Variants in SLC30A6 observed in about 807,000 individuals in gnomAD.
SLC30A6 encodes solute carrier family 30 member 6, also known as zinc transporter 6.
In SLC30A6, 55 loss-of-function variants were observed where a neutral mutation model predicts 63.0. The observed-to-expected ratio is 0.87, with a 90% confidence interval of 0.70 to 1.09. The LOEUF (loss-of-function observed/expected upper bound fraction) is 1.09, where lower values mean the gene tolerates loss of function less well. SLC30A6 is among the 50% of genes least tolerant of loss of function. SLC30A6 has a pLI of 0.00. For missense variants in SLC30A6, 587 were observed against 549.2 expected, an observed-to-expected ratio of 1.07 and a Z score of -0.69; for synonymous variants, 224 against 186.1, an observed-to-expected ratio of 1.20 and a Z score of -1.66.
At chr2:32,177,388 T>A (rs982053573) in intron 4 of SLC30A6, 2 of 181,526 alleles carry the variant, frequency 1.1e-5, no homozygotes, top group African/African-American at 4.8e-5. Flanking sequence ...TGATCTTGGC[T>A]CAAGTGATTC....
At chr2:32,214,950 A>G (rs1308298114) in intron 13 of SLC30A6, among the ~76,000 whole-genome samples, 3 of 152,230 alleles carry the variant, frequency 2.0e-5, no homozygotes, top group Admixed American at 2.0e-4. Flanking sequence ...TGTCTTAGCT[A>G]AAAGTAATAA....
At chr2:32,209,366 C>A in intron 12 of SLC30A6, 127 bp from the exon 13 acceptor site, 1 of 659,026 alleles carries the variant, frequency 1.5e-6, no homozygotes, top group Non-Finnish European at 2.6e-6. Context: ...CTTCTCTTAG[C>A]TAATGAGTGT....
Position 32,224,234 on chromosome 2 carries a change from T to G in SLC30A6, c.*3521T>G. 1 of 429,510 alleles carries G rather than the reference T, an allele frequency of 2.3e-6. No homozygotes were observed. 26.6% of individuals were successfully genotyped at this position (429,510 alleles called of 1,614,324 possible). The stretch of plus-strand genomic sequence containing the variant: ...CTATACTAAGTTAATATGCATTCAG[T>G]ATACCAGTTGGTGTGACCCAGACCA... On this transcript the variant is annotated 3_prime_UTR_variant, in exon 14 of 14. Coordinates refer to ENST00000282587, the MANE Select transcript of SLC30A6 (RefSeq NM_017964.5).
chr2:32,212,377 T>C (rs1015117425), intron 13 of SLC30A6, among the ~76,000 whole-genome samples: 1 of 151,998 alleles, frequency 6.6e-6, no homozygotes, highest in African/African-American at 2.4e-5. Flanking sequence ...TATAGTCTCT[T>C]TTTCTTACAT....
rs1686075376 is a variant in SLC30A6 at position 32,220,505 on chromosome 2, G to GGAAAAATGTGAACCCAGTTATTCTTCTAA, written c.1179_1207dup (p.Asn403ArgfsTer4). On this transcript the variant is annotated frameshift_variant, in exon 14 of 14. Coordinates refer to ENST00000282587, the MANE Select transcript of SLC30A6 (RefSeq NM_017964.5). LOFTEE classifies it high-confidence loss of function. ...CCAGAATTTTCATTTAACACTCCTGGGAAAAATGTGAACCCAGTTATTCTT... is the reference window on the plus strand; with the variant it reads ...CCAGAATTTTCATTTAACACTCCTGGGAAAAATGTGAACCCAGTTATTCTTCTAAGAAAAATGTGAACCCAGTTATTCTT... 1 of 1,614,102 alleles carries GGAAAAATGTGAACCCAGTTATTCTTCTAA rather than the reference G, an allele frequency of 6.2e-7. No individual in the cohort carries two copies. Among genetic ancestry groups the GGAAAAATGTGAACCCAGTTATTCTTCTAA allele is most frequent in the East Asian group, 2.2e-5 (1 of 44,884 alleles).
At chr2:32,198,150 C>T (rs542866014) in intron 10 of SLC30A6, among the ~76,000 whole-genome samples, 2 of 152,200 alleles carry the variant, frequency 1.3e-5, no homozygotes, top group South Asian at 2.1e-4. Flanking sequence ...GAGAAGAGGA[C>T]GTAGGCGTGA....
At chr2:32,178,253 T>A (rs212738) in intron 4 of SLC30A6, among the ~76,000 whole-genome samples, 78,600 of 151,314 alleles carry the variant, frequency 0.52, 20,682 homozygotes, top group African/African-American at 0.58. Context: ...GGCCAAGTTA[T>A]TTTTTTTTAA....
intron 13 of SLC30A6, among the ~76,000 whole-genome samples, chr2:32,216,428 T>C (rs1233638169): frequency 6.6e-6 from 1 of 151,840 alleles, no homozygotes; most frequent in African/African-American, 2.4e-5. Flanking sequence ...CCCAGCTACT[T>C]GGGAGGCTGA....
chr2:32,178,811 C>G (rs1682025935), intron 4 of SLC30A6, among the ~76,000 whole-genome samples: 2 of 152,306 alleles, frequency 1.3e-5, no homozygotes, highest in South Asian at 4.1e-4. Context: ...TACTGCAGCT[C>G]TGTAGTAAGT....
intron 13 of SLC30A6, among the ~76,000 whole-genome samples, chr2:32,218,037 G>A (rs1573441484): frequency 6.6e-6 from 1 of 152,036 alleles, no homozygotes; most frequent in East Asian, 1.9e-4. Flanking sequence ...TAGAGATGGG[G>A]TTTCACCATG....
chr2:32,168,757 A>G (rs541823961), intron 1 of SLC30A6, among the ~76,000 whole-genome samples: 2 of 152,324 alleles, frequency 1.3e-5, no homozygotes, highest in African/African-American at 4.8e-5. Flanking sequence ...AGAGTAGACC[A>G]GTTTAACTGA....
At chr2:32,192,447 C>T in intron 6 of SLC30A6, 31 bp downstream of exon 6, 1 of 1,572,658 alleles carries the variant, frequency 6.4e-7, no homozygotes, top group East Asian at 2.2e-5. Flanking sequence ...ATTCTAAATC[C>T]CCCCATGACA....
At position 32,220,465 on chromosome 2, in the gene SLC30A6, C is replaced by T. The variant is rs777463489; in HGVS notation, c.1138C>T (p.Pro380Ser). The change falls in exon 14 of 14, where the codon CCT becomes TCT. Residue 380 changes from proline to serine, a missense_variant. Pro to Ser is a moderately conservative substitution (Grantham distance 74). Transcript: ENST00000282587. ...CCCAGTTACATCAACTCCAGCTAAA[C>T]CTAGTAGTCCACCTCCAGAATTTTC... ...LNPVTSTPAKPSSPPPEFSFN... is the reference protein window; with the variant it reads ...LNPVTSTPAKSSSPPPEFSFN... 1.5e-5 allele frequency: 24 copies of T among 1,614,188 alleles called. No homozygotes were observed. In the East Asian group the frequency reaches 5.3e-4, roughly 36 times the overall value.
chr2:32,220,961 G>A lies in SLC30A6; in HGVS notation c.*248G>A. On this transcript the variant is annotated 3_prime_UTR_variant, in exon 14 of 14. Transcript: ENST00000282587. ...ATGTGTTTCTTTAAATTTGGATTTT[G>A]GTATCTTTGGTTTTGTAGTTGACTG... The A allele has an allele frequency of 2.4e-6, 1 of 412,400 alleles. No individual in the cohort carries two copies. 25.5% of individuals were successfully genotyped at this position (412,400 alleles called of 1,614,324 possible).
At chr2:32,184,928 A>C (rs1318671502) in intron 5 of SLC30A6, among the ~76,000 whole-genome samples, 1 of 152,254 alleles carries the variant, frequency 6.6e-6, no homozygotes, top group African/African-American at 2.4e-5. Flanking sequence ...TAGCAAGAGC[A>C]AGTACAAAGG....
chr2:32,212,583 CTTTTTTTTT>C (rs1193348947), intron 13 of SLC30A6, among the ~76,000 whole-genome samples: 1 of 83,022 alleles, frequency 1.2e-5, no homozygotes, highest in Non-Finnish European at 2.4e-5. Context: ...CCATTTTTAC[CTTTTTTTTT>C]TTTTTTTTTT....
chr2:32,213,357 G>C (rs1685421982), intron 13 of SLC30A6, among the ~76,000 whole-genome samples: 1 of 149,120 alleles, frequency 6.7e-6, no homozygotes, highest in Non-Finnish European at 1.5e-5. Flanking sequence ...GAGACTCATA[G>C]GGCTCAGACT....
At chr2:32,196,607 C>G (rs1683812536) in intron 8 of SLC30A6, among the ~76,000 whole-genome samples, 1 of 152,154 alleles carries the variant, frequency 6.6e-6, no homozygotes, top group South Asian at 2.1e-4. Context: ...GGTTGAGCAT[C>G]CCAAACCTGA....
rs182535691 is a variant in SLC30A6, at chr2:32,202,785, C to T, written c.666-1805C>T. The T allele has an allele frequency of 8.4e-4, 612 of 726,466 alleles. 1 individual carries two copies. Among genetic ancestry groups the T allele is most frequent in the Middle Eastern group, 5.3e-3 (19 of 3,558 alleles). 45.0% of individuals were successfully genotyped at this position (726,466 alleles called of 1,614,324 possible). On this transcript the variant is annotated intron_variant, in intron 10 of 13. Coordinates refer to ENST00000282587, the MANE Select transcript of SLC30A6 (RefSeq NM_017964.5). The stretch of plus-strand genomic sequence containing the variant: ...TCAGACTTTACTTTTTTCTGCAGCT[C>T]GCCCACAGTGGGTATGCAAAGTTGC...
Sources: gnomAD v4.1 joint callset for allele counts (sites outside exome capture counted in the v4.1 genomes callset) on GRCh38, gnomAD v4.1.1 for gene constraint, MANE v1.5 for transcripts, NCBI Gene and HGNC (gene_info 2026-07-23, HGNC 2026-07-21) for gene names.